DNAH7: variants seen among roughly 807,000 people sequenced by gnomAD.
The protein encoded by DNAH7 is dynein axonemal heavy chain 7, also known as axonemal beta dynein heavy chain 7.
A neutral mutation model predicts 444.6 loss-of-function variants in DNAH7; 397 were observed. The observed-to-expected ratio is 0.89, with a 90% CI of 0.82 to 0.97. The LOEUF (loss-of-function observed/expected upper bound fraction) is 0.97. Among genes scored for constraint, DNAH7 ranks in the 50% least tolerant of loss-of-function variants. The pLI, the probability that DNAH7 is intolerant of heterozygous loss-of-function variation, is 0.00. For synonymous variants in DNAH7, 1,636 were observed against 1,624.4 expected, an observed-to-expected ratio of 1.01 and a Z score of -0.17; for missense variants, 4,902 against 4,800.8, an observed-to-expected ratio of 1.02 and a Z score of -0.62.
intron 41 of DNAH7, among the ~76,000 whole-genome samples, chr2:195,863,361 G>A (rs768092436): frequency 6.6e-6 from 1 of 152,164 alleles, no homozygotes; most frequent in Non-Finnish European, 1.5e-5. Context: ...TACCACACAG[G>A]TAGAGAATGC....
At chr2:196,054,118 CCT>C (rs1697655929) in intron 2 of DNAH7, among the ~76,000 whole-genome samples, 1 of 152,172 alleles carries the variant, frequency 6.6e-6, no homozygotes, top group Non-Finnish European at 1.5e-5. Context: ...AAAATATCTC[CCT>C]GTTAAAATCT....
At chr2:195,886,402 A>G in intron 33 of DNAH7, 130 bp from the exon 34 acceptor site, 1 of 742,122 alleles carries the variant, frequency 1.3e-6, no homozygotes, top group Non-Finnish European at 2.1e-6. Flanking sequence ...ACTACCTACG[A>G]GTAGGTACTA....
chr2:195,796,479 C>G, intron 56 of DNAH7, 97 bp downstream of exon 56: 2 of 1,396,502 alleles, frequency 1.4e-6, no homozygotes, highest in Non-Finnish European at 2.0e-6. Context: ...ACCTGCAACG[C>G]TCCAAATTAG....
At chr2:195,980,085 A>AAAAAT (rs1559298243) in intron 15 of DNAH7, among the ~76,000 whole-genome samples, 1 of 125,806 alleles carries the variant, frequency 7.9e-6, no homozygotes, top group Admixed American at 8.1e-5. Flanking sequence ...AAAAAAAAAA[A>AAAAAT]ACTAGAGGAG....
intron 51 of DNAH7, 33 bp downstream of exon 51, chr2:195,816,595 T>C: frequency 6.8e-7 from 1 of 1,461,946 alleles, no homozygotes; most frequent in African/African-American, 1.4e-5. Flanking sequence ...ATGCATTAAT[T>C]AGTTAATATT....
chr2:195,876,834 G>T, intron 36 of DNAH7, 135 bp from the exon 37 acceptor site: 1 of 633,350 alleles, frequency 1.6e-6, no homozygotes, highest in Non-Finnish European at 2.7e-6. Flanking sequence ...GATGGAATCA[G>T]TAGGAATAAC....
At chr2:195,854,418 T>C (rs754618679) in intron 45 of DNAH7, among the ~76,000 whole-genome samples, 4 of 152,216 alleles carry the variant, frequency 2.6e-5, no homozygotes, top group Non-Finnish European at 5.9e-5. Context: ...ATCAAGTCAA[T>C]GATTTTAGAT....
intron 41 of DNAH7, 65 bp downstream of exon 41, chr2:195,864,084 T>A: frequency 6.6e-7 from 1 of 1,520,720 alleles, no homozygotes; most frequent in African/African-American, 1.4e-5. Context: ...ATCTATAAAA[T>A]AAGTCATGAT....
chr2:195,983,088 C>T (rs925087787), intron 15 of DNAH7, among the ~76,000 whole-genome samples: 1 of 151,818 alleles, frequency 6.6e-6, no homozygotes, highest in Non-Finnish European at 1.5e-5. Context: ...ATCTCATATT[C>T]CCCATAAATA....
intron 49 of DNAH7, among the ~76,000 whole-genome samples, chr2:195,821,030 G>A (rs888632517): frequency 1.3e-5 from 2 of 152,142 alleles, no homozygotes; most frequent in African/African-American, 4.8e-5. Flanking sequence ...CAATGCCTAA[G>A]CAACTTGGGG....
intron 27 of DNAH7, chr2:195,901,816 GATAA>G (rs1256206161): frequency 2.6e-5 from 4 of 152,090 alleles, no homozygotes; most frequent in African/African-American, 9.7e-5. Context: ...TATTATTAGA[GATAA>G]ATCAATTTTA....
chr2:195,850,865 C>G (rs2125034351), intron 46 of DNAH7, among the ~76,000 whole-genome samples: 1 of 152,204 alleles, frequency 6.6e-6, no homozygotes, highest in South Asian at 2.1e-4. Flanking sequence ...CAGCAGGTGG[C>G]CTCGTTAGAT....
chr2:195,812,809 T>A (rs553907929), intron 51 of DNAH7, among the ~76,000 whole-genome samples: 3 of 152,366 alleles, frequency 2.0e-5, no homozygotes, highest in African/African-American at 7.2e-5. Context: ...GTCCAATAAC[T>A]GCCTGAAGTC....
At chr2:196,023,440 AT>A (rs936300216) in intron 8 of DNAH7, among the ~76,000 whole-genome samples, 2 of 152,166 alleles carry the variant, frequency 1.3e-5, no homozygotes, top group Non-Finnish European at 2.9e-5. Flanking sequence ...CCAATAGTTA[AT>A]TTTTCAACCC....
chr2:195,919,964 G>A (rs1369414856), intron 24 of DNAH7, among the ~76,000 whole-genome samples: 2 of 152,134 alleles, frequency 1.3e-5, no homozygotes, highest in Non-Finnish European at 2.9e-5. Flanking sequence ...TTGGCCAGAG[G>A]TACAGATATG....
In DNAH7 at chr2:195,855,916, A is replaced by G. The variant is rs757698353; in HGVS notation, c.8490T>C (p.Gly2830=). The change falls in exon 45 of 65, where the codon GGT becomes GGC. Residue 2830 remains glycine (G), a synonymous_variant. Transcript: ENST00000312428. ...AEGELKIAMD[G]LRKKQAALKE... ...TAAGGGCTGCCTGCTTCTTTCTAAG[A>G]CCATCCATGGCAATTTTAAGCTCCC... 8.7e-6 allele frequency: 14 copies of G among 1,613,854 alleles called. No homozygotes were observed. The highest frequency in any genetic ancestry group is 1.2e-5 in the Non-Finnish European group (14 of 1,179,956).
At chr2:195,749,603 C>G (rs1347054363) in intron 63 of DNAH7, among the ~76,000 whole-genome samples, 1 of 151,028 alleles carries the variant, frequency 6.6e-6, no homozygotes, top group Non-Finnish European at 1.5e-5. Context: ...CAATGATAGA[C>G]TGGATTAAGA....
In DNAH7 at chr2:195,771,755, T is replaced by C. The variant is rs753306210; in HGVS notation, c.11338A>G (p.Ser3780Gly). The change falls in exon 61 of 65, where the codon AGC becomes GGC. Residue 3780 changes from serine (S) to glycine (G), a missense_variant. Physicochemically the swap from Ser to Gly is moderately conservative, Grantham distance 56. Transcript: ENST00000312428. ...TCTTGGACAAGTACAGTGTTCATGC[T>C]CTGAGTATAAGTTGTTGGGTACCTC... is the stretch of plus-strand genomic sequence containing the variant. ...MRRYPTTYTQ[S>G]MNTVLVQEMG... The C allele has an allele frequency of 1.3e-5, 21 of 1,614,228 alleles. No individual in the cohort carries two copies. In the South Asian group the frequency reaches 2.3e-4, roughly 18 times the overall value.
intron 52 of DNAH7, among the ~76,000 whole-genome samples, 174 bp downstream of exon 52, chr2:195,809,571 A>C (rs941479354): frequency 9.2e-5 from 14 of 152,324 alleles, no homozygotes; most frequent in African/African-American, 3.1e-4. Flanking sequence ...CTTAATTTAT[A>C]TCTCACTTCT....
Sources: gnomAD v4.1 joint callset for allele counts (sites outside exome capture counted in the v4.1 genomes callset) on GRCh38, gnomAD v4.1.1 for gene constraint, MANE v1.5 for transcripts, NCBI Gene and HGNC (gene_info 2026-07-23, HGNC 2026-07-21) for gene names.